The following CALD1 variants were observed in gnomAD, a reference collection of about 807,000 sequenced individuals.
CALD1 encodes the protein caldesmon.
Under a neutral mutation model 99.9 loss-of-function variants are expected in CALD1, and 33 were observed. That is an observed-to-expected ratio of 0.33 (90% CI 0.25 to 0.44). CALD1 has a LOEUF of 0.44. Among genes scored for constraint, CALD1 ranks in the 20% least tolerant of loss-of-function variants. The pLI, the probability that CALD1 is intolerant of heterozygous loss-of-function variation, is 1.00. For missense variants in CALD1, 861 were observed against 962.1 expected (o/e 0.89, Z 1.39); for synonymous variants, 310 against 325.0 (o/e 0.95, Z 0.50).
chr7:134,830,199 G>A (rs1782977377), intron 1 of CALD1, among the ~76,000 whole-genome samples: 1 of 152,112 alleles, frequency 6.6e-6, no homozygotes, highest in African/African-American at 2.4e-5. Context: ...ATCCACTGTT[G>A]ATATTTCCTT....
chr7:134,712,668 T>C, the CALD1 span, among the ~76,000 whole-genome samples: 2 of 152,238 alleles, frequency 1.3e-5, no homozygotes, highest in African/African-American at 4.8e-5. Context: ...TTCTCTTTTG[T>C]GGTAAAATTG....
chr7:134,932,861 T>A, intron 4 of CALD1, 127 bp from the exon 5 acceptor site: 14 of 588,916 alleles, frequency 2.4e-5, no homozygotes, highest in Non-Finnish European at 3.0e-5. Flanking sequence ...AATGGTAACG[T>A]ACTGGGGATA....
chr7:134,856,360 C>T (rs544093709), intron 2 of CALD1, among the ~76,000 whole-genome samples: 1 of 152,246 alleles, frequency 6.6e-6, no homozygotes, highest in South Asian at 2.1e-4. Context: ...AGATAAAAGT[C>T]CTGTAGCCAA....
chr7:134,926,269 A>T (rs1233463607), intron 3 of CALD1, among the ~76,000 whole-genome samples: 1 of 152,206 alleles, frequency 6.6e-6, no homozygotes, highest in Admixed American at 6.5e-5. Flanking sequence ...TAACTCTAAA[A>T]TTTAACTTTA....
chr7:134,892,332 C>A lies in CALD1; in HGVS notation c.71+24528C>A, dbSNP rs556670183. On this transcript the variant is annotated intron_variant, in intron 3 of 14. Coordinates refer to ENST00000361675, the MANE Select transcript of CALD1 (RefSeq NM_033138.4). ...GCAACTCAACTTACCCCAAAGCAGACAACAGTCGGTAGCAAAGCCATGTCT... is the reference window on the plus strand; with the variant it reads ...GCAACTCAACTTACCCCAAAGCAGAAAACAGTCGGTAGCAAAGCCATGTCT... Among the ~76,000 whole-genome samples, 4 of 152,282 alleles carry A rather than the reference C, an allele frequency of 2.6e-5. No individual in the cohort carries two copies. In the East Asian group the frequency reaches 7.7e-4, roughly 29 times the overall value.
At chr7:134,818,910 T>C (rs1042358302) in intron 1 of CALD1, among the ~76,000 whole-genome samples, 36 of 152,140 alleles carry the variant, frequency 2.4e-4, no homozygotes, top group African/African-American at 8.7e-4. Flanking sequence ...TTATTTGTAA[T>C]GGAAAACTTT....
chr7:134,778,214 G>A (rs2131658861), upstream of CALD1, among the ~76,000 whole-genome samples: 1 of 152,310 alleles, frequency 6.6e-6, no homozygotes, highest in East Asian at 1.9e-4. Context: ...TGATATGGAT[G>A]CCTCTGGGTA....
At position 134,893,636 on chromosome 7, in the gene CALD1, C is replaced by G. The variant is rs533394352; in HGVS notation, c.71+25832C>G. On this transcript the variant is annotated intron_variant, in intron 3 of 14. Coordinates refer to ENST00000361675, the MANE Select transcript of CALD1 (RefSeq NM_033138.4). Reference sequence around the variant, plus strand: ...CACCCTCCTGTTTCTGACCTCCTTTCTGTTCTGCAAGGCCCTGATCAAATG... The same window carrying G: ...CACCCTCCTGTTTCTGACCTCCTTTGTGTTCTGCAAGGCCCTGATCAAATG... 2.0e-5 allele frequency among the ~76,000 whole-genome samples: 3 copies of G among 152,178 alleles called. No individual in the cohort carries two copies. In the South Asian group the frequency reaches 6.2e-4, roughly 32 times the overall value.
intron 3 of CALD1, among the ~76,000 whole-genome samples, chr7:134,869,672 G>T (rs150837817): frequency 7.7e-4 from 118 of 152,318 alleles, no homozygotes; most frequent in African/African-American, 2.7e-3. Flanking sequence ...TTTAATTTCA[G>T]GTAGAAACCA....
chr7:134,803,994 C>T (rs150686821), intron 1 of CALD1, among the ~76,000 whole-genome samples: 16 of 152,326 alleles, frequency 1.1e-4, no homozygotes, highest in African/African-American at 3.8e-4. Context: ...CCACACCCAG[C>T]CAGGCATGGT....
chr7:134,753,615 G>A (rs1421057960), intron 1 of CALD1, among the ~76,000 whole-genome samples: 1 of 152,150 alleles, frequency 6.6e-6, no homozygotes, highest in Admixed American at 6.5e-5. Context: ...CTGCCCTGAG[G>A]GTGGCTCCTG....
intron 1 of CALD1, among the ~76,000 whole-genome samples, chr7:134,755,534 T>G (rs984732): frequency 0.68 from 104,023 of 152,032 alleles, 36,313 homozygotes; most frequent in East Asian, 0.99. Context: ...TTATCTTTCT[T>G]CTTATTGATA....
chr7:134,777,665 C>T (rs1040300195), upstream of CALD1, among the ~76,000 whole-genome samples: 2 of 152,140 alleles, frequency 1.3e-5, no homozygotes, highest in East Asian at 3.9e-4. Flanking sequence ...TTCAAACAGG[C>T]CTCACTGAGT....
chr7:134,910,621 A>G (rs1803733738), intron 3 of CALD1, among the ~76,000 whole-genome samples: 1 of 152,144 alleles, frequency 6.6e-6, no homozygotes, highest in African/African-American at 2.4e-5. Context: ...TCACATGACA[A>G]TAAAAAAGAC....
intron 9 of CALD1, among the ~76,000 whole-genome samples, chr7:134,953,669 G>GTTTTTTTTTTTTT (rs959799213): frequency 1.2e-5 from 1 of 81,204 alleles, no homozygotes; most frequent in Admixed American, 1.1e-4. Flanking sequence ...TTTTTTTTTT[G>GTTTTTTTTTTTTT]TTTTTTTTTT....
chr7:134,898,839 G>C (rs1310057562), intron 3 of CALD1, among the ~76,000 whole-genome samples: 4 of 152,230 alleles, frequency 2.6e-5, no homozygotes, highest in Non-Finnish European at 1.5e-5. Context: ...ATAGGCGTGA[G>C]CCACTGCGCC....
At chr7:134,966,349 G>A (rs112381813) in intron 14 of CALD1, among the ~76,000 whole-genome samples, 149 of 152,172 alleles carry the variant, frequency 9.8e-4, no homozygotes, top group African/African-American at 3.0e-3. Flanking sequence ...TACGTATTGC[G>A]CTTTTATTCC....
chr7:134,835,122 T>C (rs982038240), intron 1 of CALD1, among the ~76,000 whole-genome samples: 8 of 152,252 alleles, frequency 5.3e-5, no homozygotes, highest in Admixed American at 2.0e-4. Flanking sequence ...ACTGCCTGCC[T>C]TTCTTTAAAA....
At chr7:134,880,919 T>G (rs1801570078) in intron 3 of CALD1, among the ~76,000 whole-genome samples, 1 of 151,838 alleles carries the variant, frequency 6.6e-6, no homozygotes, top group Non-Finnish European at 1.5e-5. Flanking sequence ...CAGAATGAAG[T>G]TTTTTTTAAA....
Sources: allele counts gnomAD v4.1 joint callset (sites outside exome capture counted in the v4.1 genomes callset), GRCh38; gene constraint gnomAD v4.1.1; transcripts MANE v1.5; gene names NCBI Gene and HGNC (gene_info 2026-07-23, HGNC 2026-07-21).